The following CRPPA variants were observed in gnomAD, a reference collection of about 807,000 sequenced individuals.
CRPPA encodes the protein D-ribitol-5-phosphate cytidylyltransferase.
A neutral mutation model predicts 52.0 loss-of-function variants in CRPPA; 43 were observed. That is an observed-to-expected ratio of 0.83 (90% CI 0.65 to 1.07). The LOEUF (loss-of-function observed/expected upper bound fraction) is 1.07, where lower values mean the gene tolerates loss of function less well. Ranked by LOEUF, CRPPA falls within the 50% of genes least tolerant of loss-of-function variation. The probability of loss-of-function intolerance (pLI) is 0.00; values close to 1 mark genes in which losing one functional copy is unlikely to be tolerated. For missense variants in CRPPA, 629 were observed against 551.7 expected, an observed-to-expected ratio of 1.14 and a Z score of -1.40; for synonymous variants, 250 against 203.5, an observed-to-expected ratio of 1.23 and a Z score of -1.94.
At chr7:16,320,023 T>C (rs1785224607) in intron 3 of CRPPA, among the ~76,000 whole-genome samples, 1 of 152,182 alleles carries the variant, frequency 6.6e-6, no homozygotes, top group African/African-American at 2.4e-5. Context: ...TGCTTGTAAT[T>C]TGGCCTTCTC....
At chr7:16,326,856 C>G (rs747974329) in intron 3 of CRPPA, among the ~76,000 whole-genome samples, 6 of 151,228 alleles carry the variant, frequency 4.0e-5, no homozygotes, top group African/African-American at 7.3e-5. Flanking sequence ...CCAAATTGGA[C>G]CAATTTGGGA....
intron 8 of CRPPA, among the ~76,000 whole-genome samples, chr7:16,227,840 T>G (rs1782690989): frequency 6.6e-6 from 1 of 151,908 alleles, no homozygotes; most frequent in Non-Finnish European, 1.5e-5. Flanking sequence ...ATAAGGATTT[T>G]CTCCTATGTA....
intron 3 of CRPPA, among the ~76,000 whole-genome samples, chr7:16,335,167 A>G (rs1322927916): frequency 3.5e-5 from 3 of 84,680 alleles, no homozygotes; most frequent in Non-Finnish European, 6.0e-5. Flanking sequence ...AAAAAAAAAA[A>G]AAAAAAAAAA....
At position 16,286,097 on chromosome 7, in the gene CRPPA, A is replaced by AAATATATAT; in HGVS notation, c.836-7872_836-7871insATATATATT. On this transcript the variant is annotated intron_variant, in intron 5 of 9. Coordinates refer to ENST00000407010, the MANE Select transcript of CRPPA (RefSeq NM_001101426.4). ...TATATATATAATATTTAAAAAAAAA[A>AAATATATAT]ATATATATATATATATATATGCCAA... 5.6e-4 allele frequency among the ~76,000 whole-genome samples: 22 copies of AAATATATAT among 39,118 alleles called. 1 individual carries two copies. Among genetic ancestry groups the AAATATATAT allele is most frequent in the East Asian group, 4.9e-3 (8 of 1,624 alleles). The allele number at this position is 39,118 out of a possible 152,430, so 25.7% of individuals were successfully genotyped here.
chr7:16,100,783 T>C (rs1320232354), intron 9 of CRPPA, among the ~76,000 whole-genome samples: 1 of 152,314 alleles, frequency 6.6e-6, no homozygotes, highest in East Asian at 1.9e-4. Flanking sequence ...ATATTGGCTG[T>C]GGGTTTGTCA....
intron 5 of CRPPA, among the ~76,000 whole-genome samples, chr7:16,291,717 A>T (rs1489689374): frequency 6.6e-6 from 1 of 151,902 alleles, no homozygotes; most frequent in Non-Finnish European, 1.5e-5. Context: ...ATATTTTACA[A>T]TAGCTAAAAG....
At chr7:16,181,129 A>T (rs1321339263) in intron 9 of CRPPA, among the ~76,000 whole-genome samples, 1 of 152,004 alleles carries the variant, frequency 6.6e-6, no homozygotes, top group Non-Finnish European at 1.5e-5. Context: ...CAAAATTTTT[A>T]AAATTCTAAT....
intron 4 of CRPPA, among the ~76,000 whole-genome samples, chr7:16,307,904 A>C (rs1416713299): frequency 2.8e-5 from 3 of 106,804 alleles, no homozygotes; most frequent in Non-Finnish European, 3.8e-5. Flanking sequence ...GCTTTAATCA[A>C]ACTGAGTGAA....
chr7:16,354,136 C>T (rs1007518879), intron 3 of CRPPA, among the ~76,000 whole-genome samples: 2 of 152,092 alleles, frequency 1.3e-5, no homozygotes, highest in Non-Finnish European at 2.9e-5. Context: ...ACTGTCAGGT[C>T]ACATTGTAAG....
intron 3 of CRPPA, among the ~76,000 whole-genome samples, chr7:16,310,647 T>C (rs575352456): frequency 6.6e-6 from 1 of 151,872 alleles, no homozygotes; most frequent in Admixed American, 6.6e-5. Flanking sequence ...AATAAAAATA[T>C]TGAAATTTCA....
rs571437570 is a variant in CRPPA at position 16,216,839 on chromosome 7, T to A, written c.1120-642A>T. On this transcript the variant is annotated intron_variant, in intron 8 of 9. Coordinates refer to ENST00000407010, the MANE Select transcript of CRPPA (RefSeq NM_001101426.4). The stretch of plus-strand genomic sequence containing the variant: ...CTAGCACAGCAGTCTGAGATCAAAC[T>A]GCAAGGCGGCAGCGAGGCCGGGGGA... 1.9e-3 allele frequency among the ~76,000 whole-genome samples: 288 copies of A among 152,200 alleles called. 1 individual carries two copies. Among genetic ancestry groups the A allele is most frequent in the Non-Finnish European group, 3.3e-3 (221 of 67,996 alleles).
At position 16,339,052 on chromosome 7, in the gene CRPPA, G is replaced by A. The variant is rs28523689; in HGVS notation, c.685-30425C>T. Among the ~76,000 whole-genome samples the A allele has an allele frequency of 2.6e-3, 394 of 151,892 alleles. 3 individuals are homozygous for A. The highest frequency in any genetic ancestry group is 8.5e-3 in the African/African-American group (353 of 41,450). ...GATCTCCTGACCTCGTGATCCGCCCGCCTCGGCCTCCCAAAGTGCTGGGAT... is the reference window on the plus strand; with the variant it reads ...GATCTCCTGACCTCGTGATCCGCCCACCTCGGCCTCCCAAAGTGCTGGGAT... On this transcript the variant is annotated intron_variant, in intron 3 of 9. Coordinates refer to ENST00000407010, the MANE Select transcript of CRPPA (RefSeq NM_001101426.4).
At chr7:16,373,776 G>C (rs939900469) in intron 3 of CRPPA, among the ~76,000 whole-genome samples, 1 of 152,172 alleles carries the variant, frequency 6.6e-6, no homozygotes, top group African/African-American at 2.4e-5. Flanking sequence ...GCATATATAA[G>C]GGGGCAAATG....
chr7:16,231,335 G>A (rs1362619979), intron 8 of CRPPA, among the ~76,000 whole-genome samples: 1 of 152,094 alleles, frequency 6.6e-6, no homozygotes, highest in African/African-American at 2.4e-5. Flanking sequence ...TGTTCAAATT[G>A]ATGTTTCTGG....
chr7:16,285,787 C>G (rs1784413436), intron 5 of CRPPA, among the ~76,000 whole-genome samples: 1 of 151,332 alleles, frequency 6.6e-6, no homozygotes. Context: ...CTTTGGGAAG[C>G]TGAGGTAGGT....
chr7:16,294,601 C>A (rs573900419), intron 5 of CRPPA, among the ~76,000 whole-genome samples: 1 of 151,966 alleles, frequency 6.6e-6, no homozygotes, highest in Admixed American at 6.6e-5. Context: ...TCACAGTATT[C>A]TTTGAGAGAG....
At chr7:16,346,791 CAT>C (rs1162508971) in intron 3 of CRPPA, among the ~76,000 whole-genome samples, 4 of 152,096 alleles carry the variant, frequency 2.6e-5, no homozygotes, top group African/African-American at 4.8e-5. Flanking sequence ...TGAAAAACCA[CAT>C]ATGTTGAATT....
At chr7:16,184,109 T>C (rs1781461651) in intron 9 of CRPPA, among the ~76,000 whole-genome samples, 1 of 151,822 alleles carries the variant, frequency 6.6e-6, no homozygotes, top group African/African-American at 2.4e-5. Context: ...GCCCCGCTAA[T>C]TTTTTGTATT....
intron 9 of CRPPA, among the ~76,000 whole-genome samples, chr7:16,173,803 T>C (rs761811320): frequency 6.6e-6 from 1 of 152,188 alleles, no homozygotes; most frequent in Admixed American, 6.5e-5. Context: ...CGCCACTGAA[T>C]AGAATATTAA....
Sources: gnomAD v4.1 joint callset for allele counts (sites outside exome capture counted in the v4.1 genomes callset) on GRCh38, gnomAD v4.1.1 for gene constraint, MANE v1.5 for transcripts, NCBI Gene and HGNC (gene_info 2026-07-23, HGNC 2026-07-21) for gene names.